The following CSMD1 variants were observed in gnomAD, a reference collection of about 807,000 sequenced individuals.
CSMD1 encodes the protein CUB and Sushi multiple domains 1.
CSMD1 carries 213 observed loss-of-function variants against 417.5 expected under a neutral mutation model. That is an observed-to-expected ratio of 0.51 (90% confidence interval 0.46 to 0.57). CSMD1 has a LOEUF of 0.57. Ranked by LOEUF, CSMD1 falls within the 20% of genes least tolerant of loss-of-function variation. The probability of loss-of-function intolerance (pLI) is 0.00; values close to 1 mark genes in which losing one functional copy is unlikely to be tolerated. For synonymous variants in CSMD1, 2,862 were observed against 1,736.8 expected (o/e 1.65, Z -16.11); for missense variants, 6,923 against 4,529.7 (o/e 1.53, Z -15.17).
In CSMD1 at chr8:4,068,709, G is replaced by A. The variant is rs80056016; in HGVS notation, c.416-36610C>T. On this transcript the variant is annotated intron_variant, in intron 3 of 69. Coordinates refer to ENST00000635120, the MANE Select transcript of CSMD1 (RefSeq NM_033225.6). Reference sequence around the variant, plus strand: ...TTCTCATTTCAAGATATCTAGTGGGGAAAAAAGAAATAACTATGCCTGCGC... The same window carrying A: ...TTCTCATTTCAAGATATCTAGTGGGAAAAAAAGAAATAACTATGCCTGCGC... 1.4e-4 allele frequency among the ~76,000 whole-genome samples: 22 copies of A among 152,134 alleles called. 1 individual carries two copies. In the East Asian group the frequency reaches 4.2e-3, roughly 29 times the overall value.
intron 1 of CSMD1, among the ~76,000 whole-genome samples, chr8:4,645,030 T>G (rs1203827882): frequency 6.6e-6 from 1 of 152,194 alleles, no homozygotes; most frequent in African/African-American, 2.4e-5. Context: ...AGTGATTACT[T>G]AAAACATTAG....
Position 4,209,906 on chromosome 8 carries a change from C to A in CSMD1, c.416-177807G>T, listed in dbSNP as rs996550704. 3.3e-5 allele frequency among the ~76,000 whole-genome samples: 5 copies of A among 152,152 alleles called. No homozygotes were observed. In the South Asian group the frequency reaches 8.3e-4, roughly 25 times the overall value. On this transcript the variant is annotated intron_variant, in intron 3 of 69. Coordinates refer to ENST00000635120, the MANE Select transcript of CSMD1 (RefSeq NM_033225.6). Reference sequence around the variant, plus strand: ...TAACTTCTGTGTTGACAGGTGGTCTCCATGGAAAGCGGTGACCACGTCTGG... The same window carrying A: ...TAACTTCTGTGTTGACAGGTGGTCTACATGGAAAGCGGTGACCACGTCTGG...
chr8:4,867,123 G>T (rs930470764), intron 1 of CSMD1, among the ~76,000 whole-genome samples: 1 of 151,988 alleles, frequency 6.6e-6, no homozygotes, highest in African/African-American at 2.4e-5. Flanking sequence ...TGAACTTCAT[G>T]AACTACACAC....
chr8:3,568,525 C>A (rs1799813194), intron 10 of CSMD1, among the ~76,000 whole-genome samples: 1 of 152,158 alleles, frequency 6.6e-6, no homozygotes, highest in Non-Finnish European at 1.5e-5. Context: ...AAGTATTGCA[C>A]AAGAAGCTCA....
intron 12 of CSMD1, among the ~76,000 whole-genome samples, chr8:3,445,937 C>T (rs1034702540): frequency 1.3e-5 from 2 of 152,074 alleles, no homozygotes; most frequent in African/African-American, 4.8e-5. Flanking sequence ...TACAGAGAGA[C>T]AGAGAGGCAA....
chr8:4,362,040 G>C (rs12677798), intron 3 of CSMD1, among the ~76,000 whole-genome samples: 1 of 151,876 alleles, frequency 6.6e-6, no homozygotes, highest in African/African-American at 2.4e-5. Context: ...ATTAGAGGTA[G>C]GATACATAAG....
intron 5 of CSMD1, among the ~76,000 whole-genome samples, chr8:3,813,095 T>G (rs201441105): frequency 6.6e-6 from 1 of 151,020 alleles, no homozygotes; most frequent in Non-Finnish European, 1.5e-5. Context: ...AAGCTAGTTT[T>G]TTTTTTTTTT....
At chr8:4,673,688 C>T (rs1333533448) in intron 1 of CSMD1, among the ~76,000 whole-genome samples, 1 of 152,112 alleles carries the variant, frequency 6.6e-6, no homozygotes, top group East Asian at 1.9e-4. Flanking sequence ...TCAACATTTT[C>T]CCCCAAGAAA....
At chr8:3,853,845 T>G (rs1224374071) in intron 5 of CSMD1, among the ~76,000 whole-genome samples, 1 of 145,992 alleles carries the variant, frequency 6.8e-6, no homozygotes, top group Non-Finnish European at 1.5e-5. Flanking sequence ...ATTGTGCACA[T>G]GTACCCTAAA....
intron 1 of CSMD1, among the ~76,000 whole-genome samples, chr8:4,839,906 T>TGAG (rs1800736183): frequency 6.6e-6 from 1 of 152,220 alleles, no homozygotes; most frequent in East Asian, 1.9e-4. Context: ...ACTAACCTCC[T>TGAG]GCGCGTCTCC....
intron 1 of CSMD1, among the ~76,000 whole-genome samples, chr8:4,936,437 G>C (rs954576147): frequency 6.6e-6 from 1 of 152,156 alleles, no homozygotes; most frequent in African/African-American, 2.4e-5. Context: ...GAAAAAAATA[G>C]AAGGATTTTT....
At position 4,565,364 on chromosome 8, in the gene CSMD1, T is replaced by C. The variant is rs534372440; in HGVS notation, c.302+71978A>G. On this transcript the variant is annotated intron_variant, in intron 2 of 69. Coordinates refer to ENST00000635120, the MANE Select transcript of CSMD1 (RefSeq NM_033225.6). The stretch of plus-strand genomic sequence containing the variant: ...TAAAAATGGCTTGTAACAAGCCATG[T>C]GCAGCTGTGGTATGCCCACACTTAA... 3.3e-3 allele frequency among the ~76,000 whole-genome samples: 509 copies of C among 152,304 alleles called. 4 individuals carry two copies. The highest frequency in any genetic ancestry group is 0.012 in the African/African-American group (498 of 41,568).
At chr8:4,389,262 T>C (rs1803681904) in intron 3 of CSMD1, among the ~76,000 whole-genome samples, 2 of 152,120 alleles carry the variant, frequency 1.3e-5, no homozygotes, top group Non-Finnish European at 1.5e-5. Context: ...TAAGCATAAA[T>C]GAAGAATACA....
At chr8:3,926,092 C>CACACACACACAAACACCATACAT (rs1563218185) in intron 5 of CSMD1, among the ~76,000 whole-genome samples, 848 of 49,510 alleles carry the variant, frequency 0.017, 48 homozygotes, top group African/African-American at 0.11. Flanking sequence ...TACACACACA[C>CACACACACACAAACACCATACAT]ACACACACAC....
At chr8:3,891,031 C>T (rs116213162) in intron 5 of CSMD1, among the ~76,000 whole-genome samples, 1 of 151,174 alleles carries the variant, frequency 6.6e-6, no homozygotes, top group South Asian at 2.1e-4. Context: ...AATTGAGCAG[C>T]TTTTTTGTTT....
At chr8:3,450,426 G>C (rs1193094946) in intron 12 of CSMD1, among the ~76,000 whole-genome samples, 3 of 151,644 alleles carry the variant, frequency 2.0e-5, no homozygotes, top group Admixed American at 6.6e-5. Context: ...TCGTCATTTA[G>C]CATTAGGTAT....
chr8:3,523,736 GACACATGCATACACATGCACAC>G, intron 10 of CSMD1, among the ~76,000 whole-genome samples: 1 of 144,642 alleles, frequency 6.9e-6, no homozygotes, highest in African/African-American at 2.6e-5. Context: ...CACACTCAGA[GACACATGCATACACATGCACAC>G]ACACATGCAC....
At chr8:4,187,240 T>C (rs1476927806) in intron 3 of CSMD1, among the ~76,000 whole-genome samples, 5 of 152,196 alleles carry the variant, frequency 3.3e-5, no homozygotes, top group African/African-American at 1.2e-4. Flanking sequence ...AACTTTAACA[T>C]GTGCTTATGG....
At chr8:3,711,546 C>T (rs541300388) in intron 6 of CSMD1, among the ~76,000 whole-genome samples, 98 of 152,298 alleles carry the variant, frequency 6.4e-4, no homozygotes, top group African/African-American at 2.3e-3. Flanking sequence ...CGGCACCTGG[C>T]GTCTTCCTCC....
Sources: allele counts gnomAD v4.1 joint callset (sites outside exome capture counted in the v4.1 genomes callset), GRCh38; gene constraint gnomAD v4.1.1; transcripts MANE v1.5; gene names NCBI Gene and HGNC (gene_info 2026-07-23, HGNC 2026-07-21).